The following CSNK1G1 variants were observed in gnomAD, a reference collection of about 807,000 sequenced individuals.
CSNK1G1 encodes the protein casein kinase I isoform gamma-1.
A neutral mutation model predicts 59.6 loss-of-function variants in CSNK1G1; 22 were observed. That is an observed-to-expected ratio of 0.37 (90% CI 0.26 to 0.53). CSNK1G1 has a LOEUF of 0.53. CSNK1G1 is among the 20% of genes least tolerant of loss of function. The pLI, the probability that CSNK1G1 is intolerant of heterozygous loss-of-function variation, is 0.89. For missense variants in CSNK1G1, 384 were observed against 519.5 expected, an observed-to-expected ratio of 0.74 and a Z score of 2.54; for synonymous variants, 179 against 177.1, an observed-to-expected ratio of 1.01 and a Z score of -0.08.
chr15:64,215,900 G>C (rs1434235252), intron 5 of CSNK1G1, among the ~76,000 whole-genome samples: 1 of 152,152 alleles, frequency 6.6e-6, no homozygotes, highest in Admixed American at 6.6e-5. Flanking sequence ...AGTGAAGGGA[G>C]AGATAGGACA....
At chr15:64,337,241 C>CA (rs1596294664) in intron 1 of CSNK1G1, among the ~76,000 whole-genome samples, 1 of 151,768 alleles carries the variant, frequency 6.6e-6, no homozygotes, top group African/African-American at 2.4e-5. Context: ...CAAAACAAAA[C>CA]AAAAAAACAA....
chr15:64,179,557 T>C (rs1295410249), intron 11 of CSNK1G1, among the ~76,000 whole-genome samples: 1 of 152,204 alleles, frequency 6.6e-6, no homozygotes, highest in Admixed American at 6.5e-5. Context: ...TGACTCATGG[T>C]GTCTCTATCT....
intron 4 of CSNK1G1, among the ~76,000 whole-genome samples, chr15:64,229,516 TTCTCTCTCTCTTTCTCTC>T: frequency 6.8e-6 from 1 of 146,348 alleles, no homozygotes; most frequent in Admixed American, 6.7e-5. Context: ...TTCTCTCTCT[TTCTCTCTCTCTTTCTCTC>T]TCTCTCTCTC....
At chr15:64,327,773 T>C (rs1896929409) in intron 1 of CSNK1G1, among the ~76,000 whole-genome samples, 1 of 125,274 alleles carries the variant, frequency 8.0e-6, no homozygotes, top group Non-Finnish European at 1.7e-5. Context: ...TTGAAAACTT[T>C]GAAAAAAATT....
intron 1 of CSNK1G1, among the ~76,000 whole-genome samples, chr15:64,301,379 A>T (rs1157443686): frequency 2.6e-5 from 4 of 152,116 alleles, no homozygotes; most frequent in Non-Finnish European, 5.9e-5. Context: ...AAAAAAAAAA[A>T]AAAAATCTTA....
At chr15:64,174,133 A>T (rs1020741687) in intron 11 of CSNK1G1, among the ~76,000 whole-genome samples, 3 of 152,148 alleles carry the variant, frequency 2.0e-5, no homozygotes, top group Non-Finnish European at 4.4e-5. Flanking sequence ...GTTTTTAAGA[A>T]AGCAATAAAA....
chr15:64,322,593 T>A (rs1896621557), intron 1 of CSNK1G1, among the ~76,000 whole-genome samples: 1 of 152,020 alleles, frequency 6.6e-6, no homozygotes, highest in Admixed American at 6.5e-5. Flanking sequence ...GATGGGTTGA[T>A]CCCTTGAGCC....
intron 2 of CSNK1G1, among the ~76,000 whole-genome samples, chr15:64,262,242 T>C (rs944656456): frequency 2.2e-4 from 33 of 152,246 alleles, no homozygotes; most frequent in Non-Finnish European, 4.3e-4. Context: ...CAAGGTCTTG[T>C]ATGTGGTGGC....
chr15:64,343,562 TAACTTTA>T lies in CSNK1G1; in HGVS notation c.-225+12419_-225+12425del, dbSNP rs1273356568. 2.6e-5 allele frequency among the ~76,000 whole-genome samples: 4 copies of T among 152,104 alleles called. No individual in the cohort carries two copies. In the East Asian group the frequency reaches 7.7e-4, roughly 29 times the overall value. On this transcript the variant is annotated intron_variant, in intron 1 of 11. Coordinates refer to ENST00000303052, the MANE Select transcript of CSNK1G1 (RefSeq NM_022048.5). ...CAGTCAGAGTTGAGATCCACTACTTTAACTTTAATCTCCTTCCTGTCAGAATTGTGAA... is the reference window on the plus strand; with the variant it reads ...CAGTCAGAGTTGAGATCCACTACTTTATCTCCTTCCTGTCAGAATTGTGAA...
chr15:64,165,827 T>C lies in CSNK1G1; in HGVS notation c.*6104A>G, dbSNP rs753500288. 8.2e-5 allele frequency: 34 copies of C among 416,018 alleles called. No homozygotes were observed. Among genetic ancestry groups the C allele is most frequent in the Middle Eastern group, 4.6e-4 (1 of 2,188 alleles). The allele number at this position is 416,018 out of a possible 1,614,324, so 25.8% of individuals were successfully genotyped here. Reference sequence around the variant, plus strand: ...ACTGGGGAAGAGGTATACTTAAAGATCACATTTGTGTTTTCCATGGTGCCC... The same window carrying C: ...ACTGGGGAAGAGGTATACTTAAAGACCACATTTGTGTTTTCCATGGTGCCC... On this transcript the variant is annotated 3_prime_UTR_variant, in exon 12 of 12. Transcript: ENST00000303052.
chr15:64,276,982 A>G (rs751963853), intron 2 of CSNK1G1, among the ~76,000 whole-genome samples: 4 of 151,928 alleles, frequency 2.6e-5, no homozygotes, highest in Non-Finnish European at 5.9e-5. Context: ...AATAGTTGAA[A>G]GTGAAAAAAC....
intron 2 of CSNK1G1, among the ~76,000 whole-genome samples, chr15:64,262,398 A>G (rs181035745): frequency 6.6e-6 from 1 of 152,252 alleles, no homozygotes; most frequent in Admixed American, 6.5e-5. Context: ...AACAGAGGAG[A>G]GAATAAAAGG....
chr15:64,275,742 ATT>A, intron 2 of CSNK1G1, among the ~76,000 whole-genome samples: 1 of 152,272 alleles, frequency 6.6e-6, no homozygotes, highest in Non-Finnish European at 1.5e-5. Context: ...TCTTGACCAA[ATT>A]TTTTAAAGAA....
rs924888314 is a variant in CSNK1G1, at chr15:64,300,742, A to G, written c.-224-19T>C. 8.1e-7 allele frequency: 1 copy of G among 1,228,536 alleles called. No homozygotes were observed. The allele number at this position is 1,228,536 out of a possible 1,614,324, so 76.1% of individuals were successfully genotyped here. ...TTGTAACCTAGGTAAAAATCAAGAAAACATGTAGTTAAAAATTAAATTTTG... is the reference window on the plus strand; with the variant it reads ...TTGTAACCTAGGTAAAAATCAAGAAGACATGTAGTTAAAAATTAAATTTTG... On this transcript the variant is annotated intron_variant, in intron 1 of 11. Coordinates refer to ENST00000303052, the MANE Select transcript of CSNK1G1 (RefSeq NM_022048.5).
chr15:64,270,620 C>T (rs553155022), intron 2 of CSNK1G1, among the ~76,000 whole-genome samples: 14 of 152,052 alleles, frequency 9.2e-5, no homozygotes, highest in Admixed American at 2.0e-4. Context: ...ATTAGCCGGG[C>T]GTGGTGGCAG....
rs145423064 is a variant in CSNK1G1, at chr15:64,351,526, A to G, written c.-225+4462T>C. Among the ~76,000 whole-genome samples the G allele has an allele frequency of 7.7e-3, 1,169 of 152,342 alleles. 7 individuals carry two copies. Among genetic ancestry groups the G allele is most frequent in the Middle Eastern group, 0.01 (3 of 294 alleles). On this transcript the variant is annotated intron_variant, in intron 1 of 11. Coordinates refer to ENST00000303052, the MANE Select transcript of CSNK1G1 (RefSeq NM_022048.5). ...CTCTAACCGTCTCTATTCATTGCACACAATTAAGATAGAATTTTTTACTCT... is the reference window on the plus strand; with the variant it reads ...CTCTAACCGTCTCTATTCATTGCACGCAATTAAGATAGAATTTTTTACTCT...
intron 3 of CSNK1G1, among the ~76,000 whole-genome samples, chr15:64,253,492 C>T (rs1017443695): frequency 1.3e-5 from 2 of 152,094 alleles, no homozygotes; most frequent in East Asian, 3.8e-4. Context: ...ATGGTGCGAC[C>T]GCTCTGGAAA....
At chr15:64,189,219 A>G (rs1567362809) in intron 10 of CSNK1G1, 3 of 413,920 alleles carry the variant, frequency 7.2e-6, no homozygotes, top group South Asian at 1.7e-4. Flanking sequence ...GAAAAAGTTT[A>G]CTTATTAATA....
At chr15:64,180,311 C>T in intron 11 of CSNK1G1, 37 bp downstream of exon 11, 1 of 1,499,968 alleles carries the variant, frequency 6.7e-7, no homozygotes, top group Non-Finnish European at 9.3e-7. Flanking sequence ...GATTTTTCAA[C>T]CCATGACTTA....
Sources: gnomAD v4.1 joint callset for allele counts (sites outside exome capture counted in the v4.1 genomes callset) on GRCh38, gnomAD v4.1.1 for gene constraint, MANE v1.5 for transcripts, NCBI Gene and HGNC (gene_info 2026-07-23, HGNC 2026-07-21) for gene names.